Variants in HIRA observed in about 807,000 individuals in gnomAD.
The protein encoded by HIRA is histone cell cycle regulator.
A neutral mutation model predicts 126.6 loss-of-function variants in HIRA; 13 were observed. The observed-to-expected ratio is 0.10, with a 90% CI of 0.07 to 0.16. The LOEUF (loss-of-function observed/expected upper bound fraction) is 0.16. Among genes scored for constraint, HIRA ranks in the 10% least tolerant of loss-of-function variants. The pLI, the probability that HIRA is intolerant of heterozygous loss-of-function variation, is 1.00. For missense variants in HIRA, 834 were observed against 1,314.4 expected, an observed-to-expected ratio of 0.63 and a Z score of 5.65; for synonymous variants, 511 against 520.0, an observed-to-expected ratio of 0.98 and a Z score of 0.24.
chr22:19,418,948 A>G (rs947262503), intron 1 of HIRA, among the ~76,000 whole-genome samples: 47 of 152,082 alleles, frequency 3.1e-4, no homozygotes, highest in African/African-American at 1.1e-3. Context: ...ACACACACAC[A>G]CACAAGGCCT....
chr22:19,426,890 T>C lies in HIRA; in HGVS notation c.37+4550A>G, dbSNP rs140803678. Reference sequence around the variant, plus strand: ...ATGGAGCAGGTGAGGCAAGAATTACTGACTTCATGAACAGATTAGGAAGAG... The same window carrying C: ...ATGGAGCAGGTGAGGCAAGAATTACCGACTTCATGAACAGATTAGGAAGAG... On this transcript the variant is annotated intron_variant, in intron 1 of 24. Transcript: ENST00000263208. 1.4e-3 allele frequency among the ~76,000 whole-genome samples: 220 copies of C among 152,338 alleles called. 4 individuals are homozygous for C. The East Asian group carries it at 0.017, about 12-fold the overall frequency.
At chr22:19,400,898 C>T (rs889023048) in intron 5 of HIRA, among the ~76,000 whole-genome samples, 6 of 152,128 alleles carry the variant, frequency 3.9e-5, no homozygotes. Context: ...TCCCACAGGC[C>T]AACCATCAGC....
intron 9 of HIRA, among the ~76,000 whole-genome samples, chr22:19,389,472 C>T (rs958733180): frequency 1.3e-5 from 2 of 152,162 alleles, no homozygotes; most frequent in Non-Finnish European, 2.9e-5. Flanking sequence ...TTCTGGGAGG[C>T]TGTGGGGCTG....
At chr22:19,359,524 C>A in intron 17 of HIRA, 40 bp from the exon 18 acceptor site, 1 of 1,519,468 alleles carries the variant, frequency 6.6e-7, no homozygotes, top group Non-Finnish European at 8.8e-7. Flanking sequence ...AGACAAGGGC[C>A]GCAGCCCAGG....
chr22:19,391,080 T>A (rs1259766360), intron 9 of HIRA, among the ~76,000 whole-genome samples: 1 of 152,136 alleles, frequency 6.6e-6, no homozygotes, highest in Non-Finnish European at 1.5e-5. Context: ...ATCTCAAAAC[T>A]GGAACAATCT....
At chr22:19,359,227 G>T (rs1287318325) in intron 18 of HIRA, 109 bp downstream of exon 18, 5 of 1,193,880 alleles carry the variant, frequency 4.2e-6, no homozygotes, top group Non-Finnish European at 3.4e-6. Flanking sequence ...AGTCTCTGTG[G>T]GAGCTGGTGC....
intron 3 of HIRA, 124 bp from the exon 4 acceptor site, chr22:19,407,398 CTG>C: frequency 1.4e-6 from 1 of 717,564 alleles, no homozygotes; most frequent in Non-Finnish European, 2.3e-6. Flanking sequence ...AAGGCATCTA[CTG>C]TGTGAGAGCC....
chr22:19,366,104 T>G (rs2088910157), intron 15 of HIRA: 1 of 152,246 alleles, frequency 6.6e-6, no homozygotes. Flanking sequence ...GGTTCCCGCC[T>G]GTAATCCCAG....
intron 5 of HIRA, chr22:19,405,560 A>G (rs2089301335): frequency 2.1e-6 from 2 of 962,718 alleles, no homozygotes; most frequent in Admixed American, 1.2e-4. Context: ...CATATACCCC[A>G]TGAGGGCAAG....
chr22:19,402,154 T>A (rs1405503439), intron 5 of HIRA, among the ~76,000 whole-genome samples: 1 of 152,138 alleles, frequency 6.6e-6, no homozygotes, highest in African/African-American at 2.4e-5. Context: ...TCTTCAAATC[T>A]CCTATACTAC....
At position 19,356,244 on chromosome 22, in the gene HIRA, T is replaced by C. The variant is rs782082727; in HGVS notation, c.2441A>G (p.His814Arg). 2.0e-5 allele frequency: 32 copies of C among 1,613,746 alleles called. No homozygotes were observed. In the East Asian group the frequency reaches 6.2e-4, roughly 31 times the overall value. ...GCCTGCATTACCTGCCAGGATGGAG[T>C]GTAGAGACTCTTCTTTCACCACAAC... ...QVVVVKEESL[H>R]SILAGSDMTV... Residue 814 changes from histidine to arginine, a missense_variant, in exon 20 of 25, where the codon CAC (histidine) becomes CGC (arginine). Transcript: ENST00000263208.
In HIRA at chr22:19,356,341, A is replaced by T. The variant is rs868933320; in HGVS notation, c.2397-53T>A. 42 of 1,533,152 alleles carry T rather than the reference A, an allele frequency of 2.7e-5. No homozygotes were observed. In the South Asian group the frequency reaches 4.0e-4, roughly 15 times the overall value. The allele number at this position is 1,533,152 out of a possible 1,614,324, so 95.0% of individuals were successfully genotyped here. On this transcript the variant is annotated intron_variant, in intron 19 of 24. Coordinates refer to ENST00000263208, the MANE Select transcript of HIRA (RefSeq NM_003325.4). ...TCACCAACCCAGGTAAACACATCAG[A>T]GTGTGCCTTGGCTGCTCAGACACCC...
chr22:19,397,372 C>T (rs1051743838), intron 6 of HIRA, among the ~76,000 whole-genome samples: 1 of 152,180 alleles, frequency 6.6e-6, no homozygotes, highest in Non-Finnish European at 1.5e-5. Flanking sequence ...CCATATAGAT[C>T]TGTAATCCAA....
intron 24 of HIRA, among the ~76,000 whole-genome samples, chr22:19,337,927 G>A (rs1206470351): frequency 2.0e-5 from 3 of 152,078 alleles, no homozygotes; most frequent in African/African-American, 7.2e-5. Flanking sequence ...AAGTAGCTGG[G>A]ACTACAGGCC....
chr22:19,361,001 C>A (rs1264888338), intron 17 of HIRA, among the ~76,000 whole-genome samples: 1 of 152,238 alleles, frequency 6.6e-6, no homozygotes, highest in African/African-American at 2.4e-5. Flanking sequence ...GCAGCCCCAG[C>A]AGCTGGAATC....
intron 3 of HIRA, 64 bp from the exon 4 acceptor site, chr22:19,407,338 G>A (rs1367463790): frequency 3.0e-5 from 39 of 1,306,800 alleles, no homozygotes; most frequent in Non-Finnish European, 3.8e-5. Flanking sequence ...TTTATGTAGA[G>A]TTTGGCAAGA....
At chr22:19,389,434 G>A (rs537584512) in intron 9 of HIRA, among the ~76,000 whole-genome samples, 6 of 152,186 alleles carry the variant, frequency 3.9e-5, no homozygotes, top group Non-Finnish European at 1.5e-5. Flanking sequence ...CTCACGGGAT[G>A]GTGGGCTCCC....
At chr22:19,383,545 G>T in intron 13 of HIRA, 75 bp downstream of exon 13, 2 of 1,206,724 alleles carry the variant, frequency 1.7e-6, no homozygotes, top group Non-Finnish European at 2.4e-6. Flanking sequence ...GATCCTCACT[G>T]TGAAAGTGTT....
chr22:19,398,849 TC>T (rs1015353785), intron 5 of HIRA, among the ~76,000 whole-genome samples: 10 of 152,006 alleles, frequency 6.6e-5, no homozygotes, highest in African/African-American at 2.4e-4. Flanking sequence ...CATGCCTGTA[TC>T]CCCAGCTACA....
Sources: gnomAD v4.1 joint callset for allele counts (sites outside exome capture counted in the v4.1 genomes callset) on GRCh38, gnomAD v4.1.1 for gene constraint, MANE v1.5 for transcripts, NCBI Gene and HGNC (gene_info 2026-07-23, HGNC 2026-07-21) for gene names.